The following CNTLN variants were observed in gnomAD, a reference collection of about 807,000 sequenced individuals.
CNTLN encodes centlein, centrosomal protein.
Under a neutral mutation model 180.0 loss-of-function variants are expected in CNTLN, and 212 were observed. The observed-to-expected ratio is 1.18, with a 90% CI of 1.05 to 1.32. The LOEUF (loss-of-function observed/expected upper bound fraction) is 1.32, where lower values mean the gene tolerates loss of function less well. CNTLN is among the 40% of genes most tolerant of loss of function. The pLI is 0.00. For synonymous variants in CNTLN, 722 were observed against 563.1 expected, an observed-to-expected ratio of 1.28 and a Z score of -3.99; for missense variants, 2,095 against 1,610.9, an observed-to-expected ratio of 1.30 and a Z score of -5.14.
intron 6 of CNTLN, among the ~76,000 whole-genome samples, chr9:17,275,145 A>T (rs1325589549): frequency 6.6e-6 from 1 of 152,142 alleles, no homozygotes; most frequent in East Asian, 1.9e-4. Flanking sequence ...ATTTATTCTT[A>T]TCCTCTTCCT....
At chr9:17,268,442 C>G (rs958081734) in intron 5 of CNTLN, among the ~76,000 whole-genome samples, 8 of 152,188 alleles carry the variant, frequency 5.3e-5, no homozygotes, top group African/African-American at 1.7e-4. Context: ...GTCTGTCAGT[C>G]TGCCCCTACT....
intron 8 of CNTLN, among the ~76,000 whole-genome samples, chr9:17,318,707 A>AT (rs1797713729): frequency 6.6e-6 from 1 of 152,132 alleles, no homozygotes; most frequent in Admixed American, 6.5e-5. Context: ...GAAGCCCAGA[A>AT]TTAGGGAAGT....
chr9:17,314,488 C>T (rs186250527), intron 8 of CNTLN, among the ~76,000 whole-genome samples: 1 of 152,270 alleles, frequency 6.6e-6, no homozygotes, highest in East Asian at 1.9e-4. Context: ...GTTATCTTAA[C>T]CTTATTCAGA....
At chr9:17,312,436 G>C (rs1425691805) in intron 8 of CNTLN, among the ~76,000 whole-genome samples, 2 of 144,152 alleles carry the variant, frequency 1.4e-5, no homozygotes, top group Non-Finnish European at 3.0e-5. Context: ...GCCCAGGCTG[G>C]AGTGCAGTGG....
At chr9:17,441,012 C>G (rs958622541) in intron 18 of CNTLN, among the ~76,000 whole-genome samples, 3 of 152,002 alleles carry the variant, frequency 2.0e-5, no homozygotes, top group African/African-American at 7.3e-5. Context: ...GATAATTGCA[C>G]AACTCTGTAA....
chr9:17,335,785 C>CA (rs35195564), intron 10 of CNTLN, among the ~76,000 whole-genome samples: 9 of 151,000 alleles, frequency 6.0e-5, no homozygotes, highest in African/African-American at 7.3e-5. Flanking sequence ...TAAAAATAGA[C>CA]AAAAAAATGA....
intron 15 of CNTLN, among the ~76,000 whole-genome samples, chr9:17,405,338 A>G (rs1003171636): frequency 6.6e-6 from 1 of 151,698 alleles, no homozygotes; most frequent in Non-Finnish European, 1.5e-5. Context: ...AAAAAATACC[A>G]CAGACTGGAT....
chr9:17,196,486 G>A (rs1259865024), intron 2 of CNTLN, among the ~76,000 whole-genome samples: 1 of 151,884 alleles, frequency 6.6e-6, no homozygotes, highest in Non-Finnish European at 1.5e-5. Context: ...CTCAAAAATG[G>A]CAATGATACT....
the CNTLN span, among the ~76,000 whole-genome samples, chr9:17,524,498 A>C: frequency 1.3e-5 from 2 of 152,226 alleles, no homozygotes; most frequent in East Asian, 3.8e-4. Flanking sequence ...ACCTTTTCAA[A>C]TGTTCAAATG....
At chr9:17,258,955 A>G (rs1826728531) in intron 5 of CNTLN, among the ~76,000 whole-genome samples, 1 of 150,376 alleles carries the variant, frequency 6.6e-6, no homozygotes, top group Admixed American at 6.6e-5. Context: ...TCCTAATTGA[A>G]TACCCTTTAT....
chr9:17,329,488 CA>C (rs1673767551), intron 8 of CNTLN, among the ~76,000 whole-genome samples: 1 of 151,708 alleles, frequency 6.6e-6, no homozygotes, highest in Non-Finnish European at 1.5e-5. Flanking sequence ...AGTATGGTAA[CA>C]GTACAATGTA....
intron 5 of CNTLN, among the ~76,000 whole-genome samples, chr9:17,262,874 G>A (rs1827108485): frequency 1.3e-5 from 2 of 151,238 alleles, no homozygotes. Context: ...GTATTTTGGG[G>A]TGTGTTCCGT....
intron 7 of CNTLN, among the ~76,000 whole-genome samples, chr9:17,307,425 C>A (rs922306244): frequency 7.9e-5 from 12 of 152,010 alleles, no homozygotes; most frequent in African/African-American, 2.9e-4. Flanking sequence ...CATGCTACCA[C>A]GCCTGGGTAA....
chr9:17,235,918 A>G (rs1825114653), intron 4 of CNTLN, 126 bp downstream of exon 4: 1 of 864,322 alleles, frequency 1.2e-6, no homozygotes, highest in Admixed American at 3.0e-5. Context: ...CTCCTGTACC[A>G]TACAGTTTTC....
Position 17,201,079 on chromosome 9 carries a change from A to G in CNTLN, c.450-25124A>G, listed in dbSNP as rs530782429. ...TTTATTGAAGGCCTTTTCTGCATCT[A>G]TTGAGATAATCATGTGATTTTTGTC... is the stretch of plus-strand genomic sequence containing the variant. On this transcript the variant is annotated intron_variant, in intron 2 of 25. Coordinates refer to ENST00000380647, the MANE Select transcript of CNTLN (RefSeq NM_017738.4). Among the ~76,000 whole-genome samples, 37 of 152,298 alleles carry G rather than the reference A, an allele frequency of 2.4e-4. 1 individual carries two copies. The South Asian group carries it at 7.0e-3, about 29-fold the overall frequency.
At chr9:17,266,554 C>G (rs1827463944) in intron 5 of CNTLN, among the ~76,000 whole-genome samples, 2 of 152,100 alleles carry the variant, frequency 1.3e-5, no homozygotes, top group African/African-American at 2.4e-5. Context: ...TCTATTAAGT[C>G]TGCTTGGTGC....
rs577259153 is a variant in CNTLN, at chr9:17,410,669, A to G, written c.2796+1196A>G. On this transcript the variant is annotated intron_variant, in intron 16 of 25. Coordinates refer to ENST00000380647, the MANE Select transcript of CNTLN (RefSeq NM_017738.4). ...TGTTGTCTTTTCCTATATTTTTCTG[A>G]TTTCCTATATTTTTCTGTTTTGATT... 1.3e-4 allele frequency among the ~76,000 whole-genome samples: 19 copies of G among 151,896 alleles called. No individual in the cohort carries two copies. In the Middle Eastern group the frequency reaches 0.024, roughly 192 times the overall value.
chr9:17,490,353 A>C (rs1441671947), intron 25 of CNTLN, among the ~76,000 whole-genome samples: 1 of 152,074 alleles, frequency 6.6e-6, no homozygotes, highest in Non-Finnish European at 1.5e-5. Context: ...ATTAGATGAA[A>C]GGGGTCTGGG....
intron 15 of CNTLN, among the ~76,000 whole-genome samples, chr9:17,399,022 A>G (rs558716816): frequency 7.2e-5 from 11 of 152,318 alleles, no homozygotes; most frequent in African/African-American, 2.6e-4. Context: ...AACACATTTT[A>G]CCAACTAGCC....
Sources: gnomAD v4.1 joint callset for allele counts (sites outside exome capture counted in the v4.1 genomes callset) on GRCh38, gnomAD v4.1.1 for gene constraint, MANE v1.5 for transcripts, NCBI Gene and HGNC (gene_info 2026-07-23, HGNC 2026-07-21) for gene names.